Variants in WDR41 observed in about 807,000 individuals in gnomAD.
WDR41 encodes WD repeat-containing protein 41.
WDR41 carries 63 observed loss-of-function variants against 69.3 expected under a neutral mutation model. The ratio of observed to expected loss-of-function variants is 0.91; its 90% CI spans 0.74 to 1.12. The LOEUF (loss-of-function observed/expected upper bound fraction) is 1.12. Among genes scored for constraint, WDR41 ranks in the 50% most tolerant of loss-of-function variants. The probability of loss-of-function intolerance (pLI) is 0.00; values close to 1 mark genes in which losing one functional copy is unlikely to be tolerated. For synonymous variants in WDR41, 185 were observed against 192.1 expected, an observed-to-expected ratio of 0.96 and a Z score of 0.31; for missense variants, 543 against 534.5, an observed-to-expected ratio of 1.02 and a Z score of -0.16.
rs1029442664 is a variant in WDR41, at chr5:77,433,263, C to A, written c.1252G>T (p.Gly418Ter). The A allele has an allele frequency of 6.2e-7, 1 of 1,612,650 alleles. No individual in the cohort carries two copies. The change falls in exon 13 of 13, where the codon GGA becomes TGA. Residue 418 changes from glycine to a stop codon, truncating the protein, a stop_gained. Coordinates refer to ENST00000296679, the MANE Select transcript of WDR41 (RefSeq NM_018268.4). LOFTEE classifies it high-confidence loss of function. ...VEMFLYFEDH[G>*]LVTCSADHLI... is the part of the protein sequence containing the mutation. ...TGATCAGCGGAGCACGTCACTAGTC[C>A]ATGATCTTCAAAGTATAGAAACATC... is the stretch of plus-strand genomic sequence containing the variant.
chr5:77,582,891 C>G, intron 1 of WDR41: 1 of 1,607,242 alleles, frequency 6.2e-7, no homozygotes, highest in African/African-American at 1.3e-5. Flanking sequence ...TGACAGATAA[C>G]GCTTTGATTG....
intron 1 of WDR41, among the ~76,000 whole-genome samples, chr5:77,584,241 C>T (rs564482714): frequency 6.6e-6 from 1 of 151,342 alleles, no homozygotes; most frequent in Non-Finnish European, 1.5e-5. Flanking sequence ...ACAGGCAGGG[C>T]AATTAAGGAA....
At chr5:77,605,848 T>C (rs1165940380) in intron 1 of WDR41, among the ~76,000 whole-genome samples, 1 of 152,176 alleles carries the variant, frequency 6.6e-6, no homozygotes, top group Non-Finnish European at 1.5e-5. Context: ...CTTTGACTGA[T>C]AGACTTTATA....
At chr5:77,446,717 A>T (rs1215203463) in intron 8 of WDR41, among the ~76,000 whole-genome samples, 1 of 152,150 alleles carries the variant, frequency 6.6e-6, no homozygotes, top group Non-Finnish European at 1.5e-5. Flanking sequence ...AAAACTGGCT[A>T]GCCATATGCA....
intron 1 of WDR41, among the ~76,000 whole-genome samples, chr5:77,618,874 G>C (rs998196241): frequency 2.6e-5 from 4 of 152,138 alleles, no homozygotes; most frequent in Admixed American, 2.6e-4. Context: ...GTGATATAAC[G>C]ACGTTTTAGA....
At chr5:77,452,769 T>C (rs1799676366) in intron 6 of WDR41, 1 of 152,172 alleles carries the variant, frequency 6.6e-6, no homozygotes, top group Non-Finnish European at 1.5e-5. Flanking sequence ...ATTTAATATA[T>C]AGTACTTAAA....
intron 1 of WDR41, among the ~76,000 whole-genome samples, chr5:77,512,745 C>CA (rs71606301): frequency 0.19 from 13,938 of 73,692 alleles, 1,124 homozygotes; most frequent in Non-Finnish European, 0.25. Context: ...GACTCCATCT[C>CA]AAAAAAAAAA....
chr5:77,542,018 C>A (rs778297062), intron 1 of WDR41, among the ~76,000 whole-genome samples: 1 of 152,060 alleles, frequency 6.6e-6, no homozygotes, highest in South Asian at 2.1e-4. Flanking sequence ...ATGGAATCAG[C>A]CTAAATCCCC....
intron 1 of WDR41, among the ~76,000 whole-genome samples, chr5:77,588,764 CATA>C (rs1160828703): frequency 1.3e-5 from 2 of 152,190 alleles, no homozygotes; most frequent in Non-Finnish European, 2.9e-5. Flanking sequence ...CTGATCAATA[CATA>C]ACCTTGTTTT....
chr5:77,492,290 T>A lies in WDR41; in HGVS notation c.-70A>T. ...AAACTCCGCCCCAGGCTCGGCCTCCTCCTTCCTCCCCGGCTGCAGCGCAAC... is the reference window on the plus strand; with the variant it reads ...AAACTCCGCCCCAGGCTCGGCCTCCACCTTCCTCCCCGGCTGCAGCGCAAC... On this transcript the variant is annotated 5_prime_UTR_variant, in exon 1 of 13. Coordinates refer to ENST00000296679, the MANE Select transcript of WDR41 (RefSeq NM_018268.4). 1 of 1,594,074 alleles carries A rather than the reference T, an allele frequency of 6.3e-7. No homozygotes were observed. The highest frequency in any genetic ancestry group is 8.5e-7 in the Non-Finnish European group (1 of 1,169,708).
At chr5:77,595,910 T>C (rs538578741) in intron 1 of WDR41, among the ~76,000 whole-genome samples, 1 of 152,334 alleles carries the variant, frequency 6.6e-6, no homozygotes, top group South Asian at 2.1e-4. Flanking sequence ...TATTTTTTTC[T>C]TTAAATGCCA....
intron 8 of WDR41, among the ~76,000 whole-genome samples, chr5:77,447,503 T>C (rs1201421262): frequency 6.6e-6 from 1 of 152,048 alleles, no homozygotes; most frequent in Non-Finnish European, 1.5e-5. Context: ...AGAACAAAGA[T>C]ATGGAACCAA....
At chr5:77,469,448 C>T (rs1443310966) in intron 2 of WDR41, among the ~76,000 whole-genome samples, 1 of 152,130 alleles carries the variant, frequency 6.6e-6, no homozygotes, top group African/African-American at 2.4e-5. Flanking sequence ...CTAACATGCA[C>T]CTCTGTATTC....
chr5:77,590,688 T>C (rs1744120529), intron 1 of WDR41, among the ~76,000 whole-genome samples: 1 of 152,200 alleles, frequency 6.6e-6, no homozygotes, highest in Non-Finnish European at 1.5e-5. Context: ...TAGTGGCCTG[T>C]GTGATAAGGG....
chr5:77,527,623 T>C (rs1051752924), intron 1 of WDR41, among the ~76,000 whole-genome samples: 5 of 151,860 alleles, frequency 3.3e-5, no homozygotes, highest in Non-Finnish European at 5.9e-5. Flanking sequence ...AAATGGAATA[T>C]TGTGCCCCAA....
intron 1 of WDR41, among the ~76,000 whole-genome samples, chr5:77,530,832 C>A (rs1031380122): frequency 1.3e-5 from 2 of 151,696 alleles, no homozygotes; most frequent in African/African-American, 4.8e-5. Context: ...GATTGAAGAA[C>A]TCTGTTTTGA....
rs1237172172 is a variant in WDR41 at position 77,545,706 on chromosome 5, G to A, written c.43-56134C>T. ...ATGAGGTTTTAAAGGTTACGCCAGT[G>A]CAGAAGCAGACCCACGCTGGCCAGT... On this transcript the variant is annotated intron_variant, in intron 1 of 5. Coordinates refer to the WDR41 transcript ENST00000509971. 54 of 507,700 alleles carry A rather than the reference G, an allele frequency of 1.1e-4. No homozygotes were observed. The Admixed American group carries it at 1.4e-3, about 13-fold the overall frequency. The allele number at this position is 507,700 out of a possible 1,614,324, so 31.4% of individuals were successfully genotyped here. A position where few individuals can be genotyped will look rare whatever the true frequency, so the allele number is the denominator to read the frequency against.
At chr5:77,470,107 T>G (rs367703871) in intron 2 of WDR41, among the ~76,000 whole-genome samples, 3 of 151,374 alleles carry the variant, frequency 2.0e-5, no homozygotes, top group African/African-American at 7.3e-5. Flanking sequence ...AGCCAGAAGA[T>G]AATGGGGGCC....
At chr5:77,495,594 C>G (rs541767373), upstream of WDR41, among the ~76,000 whole-genome samples, 1 of 151,704 alleles carries the variant, frequency 6.6e-6, no homozygotes, top group Non-Finnish European at 1.5e-5. Context: ...ATTAACAGAC[C>G]TATAGCAAGT....
Sources: allele counts gnomAD v4.1 joint callset (sites outside exome capture counted in the v4.1 genomes callset), GRCh38; gene constraint gnomAD v4.1.1; transcripts MANE v1.5; gene names NCBI Gene and HGNC (gene_info 2026-07-23, HGNC 2026-07-21).